The following MAPK8 variants were observed in gnomAD, a reference collection of about 807,000 sequenced individuals.
MAPK8 encodes the protein mitogen-activated protein kinase 8, also known as JUN N-terminal kinase.
MAPK8 carries 13 observed loss-of-function variants against 52.9 expected under a neutral mutation model. That is an observed-to-expected ratio of 0.25 (90% CI 0.16 to 0.39). MAPK8 has a LOEUF of 0.39. Among genes scored for constraint, MAPK8 ranks in the 10% least tolerant of loss-of-function variants. MAPK8 has a pLI of 1.00. For missense variants in MAPK8, 300 were observed against 519.2 expected (o/e 0.58, Z 4.10); for synonymous variants, 191 against 169.8 (o/e 1.12, Z -0.97).
chr10:48,426,215 G>GTTT, intron 8 of MAPK8, 145 bp downstream of exon 8: 1 of 829,796 alleles, frequency 1.2e-6, no homozygotes, highest in Non-Finnish European at 1.7e-6. Flanking sequence ...TGAGGTTTTT[G>GTTT]TTTTTTTTTT....
chr10:48,426,647 G>A (rs2043702332), intron 9 of MAPK8, 143 bp downstream of exon 9: 1 of 770,838 alleles, frequency 1.3e-6, no homozygotes, highest in South Asian at 1.8e-5. Flanking sequence ...TGAAGACTAC[G>A]TCAAATAAAC....
intron 1 of MAPK8, among the ~76,000 whole-genome samples, chr10:48,307,800 C>T (rs1353602737): frequency 6.6e-6 from 1 of 152,192 alleles, no homozygotes; most frequent in African/African-American, 2.4e-5. Flanking sequence ...ATTAGAACAT[C>T]TGTTTTTTCA....
chr10:48,379,922 AG>A (rs1362159130), intron 1 of MAPK8, among the ~76,000 whole-genome samples: 1 of 136,526 alleles, frequency 7.3e-6, no homozygotes, highest in East Asian at 2.3e-4. Flanking sequence ...TAGGATTTGG[AG>A]GGAAACAAAG....
intron 1 of MAPK8, among the ~76,000 whole-genome samples, chr10:48,338,148 A>G (rs1389005436): frequency 6.7e-6 from 1 of 149,104 alleles, no homozygotes; most frequent in East Asian, 1.9e-4. Flanking sequence ...ACAACAACAA[A>G]AAGAAAAACA....
chr10:48,315,443 A>T (rs1405656053), intron 1 of MAPK8, among the ~76,000 whole-genome samples: 1 of 152,208 alleles, frequency 6.6e-6, no homozygotes, highest in Non-Finnish European at 1.5e-5. Context: ...GTGTACTGTT[A>T]GGATTTCTTT....
intron 1 of MAPK8, among the ~76,000 whole-genome samples, chr10:48,398,848 G>A (rs978460323): frequency 1.6e-4 from 25 of 152,132 alleles, no homozygotes; most frequent in African/African-American, 5.8e-4. Flanking sequence ...GAGTTGGGGG[G>A]CAAGGGGTAG....
chr10:48,389,461 A>T (rs1414713688), intron 1 of MAPK8, among the ~76,000 whole-genome samples: 1 of 152,196 alleles, frequency 6.6e-6, no homozygotes, highest in African/African-American at 2.4e-5. Context: ...TCCATAACTG[A>T]TTAGACCAGG....
At chr10:48,330,561 A>G (rs1475666646) in intron 1 of MAPK8, among the ~76,000 whole-genome samples, 1 of 152,174 alleles carries the variant, frequency 6.6e-6, no homozygotes, top group Non-Finnish European at 1.5e-5. Flanking sequence ...ACCCGTCCAA[A>G]CCCAATGAAT....
chr10:48,412,498 CTCTT>C (rs1428055119), intron 5 of MAPK8, among the ~76,000 whole-genome samples: 2 of 152,072 alleles, frequency 1.3e-5, no homozygotes, highest in Non-Finnish European at 2.9e-5. Flanking sequence ...GCTCATTTTT[CTCTT>C]TCTTCTCCTT....
At chr10:48,382,655 A>G (rs1474518347) in intron 1 of MAPK8, among the ~76,000 whole-genome samples, 2 of 151,728 alleles carry the variant, frequency 1.3e-5, no homozygotes, top group Non-Finnish European at 2.9e-5. Flanking sequence ...AAGCTTTCCA[A>G]AAGGCCAATT....
intron 1 of MAPK8, among the ~76,000 whole-genome samples, chr10:48,399,477 C>T (rs2042050609): frequency 6.6e-6 from 1 of 152,184 alleles, no homozygotes; most frequent in Admixed American, 6.5e-5. Flanking sequence ...ACTATCCATG[C>T]TCATCTGCCT....
intron 1 of MAPK8, among the ~76,000 whole-genome samples, chr10:48,375,730 A>T (rs2040618056): frequency 6.6e-6 from 1 of 152,222 alleles, no homozygotes; most frequent in African/African-American, 2.4e-5. Flanking sequence ...TGCTCAAGGA[A>T]ATAAGAGGGG....
At chr10:48,346,518 A>G (rs1028157574) in intron 1 of MAPK8, among the ~76,000 whole-genome samples, 4 of 152,188 alleles carry the variant, frequency 2.6e-5, no homozygotes, top group African/African-American at 9.6e-5. Flanking sequence ...GTGTCAAGGA[A>G]CAACACCCGC....
At chr10:48,325,865 T>A (rs1030928721) in intron 1 of MAPK8, 3 of 152,214 alleles carry the variant, frequency 2.0e-5, no homozygotes, top group African/African-American at 7.2e-5. Flanking sequence ...GGATACCGTT[T>A]TATTGGAATT....
At chr10:48,325,641 T>A (rs897021646) in intron 1 of MAPK8, among the ~76,000 whole-genome samples, 6 of 152,242 alleles carry the variant, frequency 3.9e-5, no homozygotes, top group Admixed American at 2.6e-4. Context: ...GCACATTTAT[T>A]ACAATTAGTG....
chr10:48,439,157 T>A lies in MAPK8; in HGVS notation c.*4128T>A, dbSNP rs1488536927. ...TTCCTCCTCCATTCCTCTCCTTCCCTGTGTTCCGTTCCCTCTCCTTTCCTC... is the reference window on the plus strand; with the variant it reads ...TTCCTCCTCCATTCCTCTCCTTCCCAGTGTTCCGTTCCCTCTCCTTTCCTC... On this transcript the variant is annotated 3_prime_UTR_variant, in exon 12 of 12. Coordinates refer to ENST00000374189, the MANE Select transcript of MAPK8 (RefSeq NM_001323329.2). 1 of 151,802 alleles carries A rather than the reference T, an allele frequency of 6.6e-6. No homozygotes were observed. Among genetic ancestry groups the A allele is most frequent in the Non-Finnish European group, 1.5e-5 (1 of 67,988 alleles). The allele number at this position is 151,802 out of a possible 1,614,324, so 9.4% of individuals were successfully genotyped here. A position where few individuals can be genotyped will look rare whatever the true frequency, so the allele number is the denominator to read the frequency against.
chr10:48,414,271 A>G (rs184898898), intron 5 of MAPK8, among the ~76,000 whole-genome samples: 217 of 152,210 alleles, frequency 1.4e-3, no homozygotes, highest in African/African-American at 4.4e-3. Flanking sequence ...TTTATTGACA[A>G]ATATTTCACT....
intron 1 of MAPK8, among the ~76,000 whole-genome samples, 193 bp from the exon 2 acceptor site, chr10:48,401,419 A>T (rs1053662203): frequency 6.6e-6 from 1 of 152,164 alleles, no homozygotes; most frequent in African/African-American, 2.4e-5. Context: ...TTTTTAAAAA[A>T]AACTATCAGT....
intron 1 of MAPK8, among the ~76,000 whole-genome samples, chr10:48,331,177 G>T (rs1844104924): frequency 6.6e-6 from 1 of 152,168 alleles, no homozygotes. Flanking sequence ...ACTGTAACCT[G>T]TATCTGGTTC....
Sources: allele counts gnomAD v4.1 joint callset (sites outside exome capture counted in the v4.1 genomes callset), GRCh38; gene constraint gnomAD v4.1.1; transcripts MANE v1.5; gene names NCBI Gene and HGNC (gene_info 2026-07-23, HGNC 2026-07-21).